CNTNAP4: variants seen among roughly 807,000 people sequenced by gnomAD.
CNTNAP4 encodes contactin associated protein family member 4.
In CNTNAP4, 98 loss-of-function variants were observed where a neutral mutation model predicts 148.4. That is an observed-to-expected ratio of 0.66 (90% CI 0.56 to 0.78). CNTNAP4 has a LOEUF of 0.78. CNTNAP4 is among the 30% of genes least tolerant of loss of function. The probability of loss-of-function intolerance (pLI) is 0.00; values close to 1 mark genes in which losing one functional copy is unlikely to be tolerated. For synonymous variants in CNTNAP4, 730 were observed against 565.1 expected (o/e 1.29, Z -4.14); for missense variants, 1,935 against 1,565.6 (o/e 1.24, Z -3.98).
At chr16:76,516,287 G>T (rs1200762594) in intron 15 of CNTNAP4, among the ~76,000 whole-genome samples, 1 of 152,148 alleles carries the variant, frequency 6.6e-6, no homozygotes, top group Non-Finnish European at 1.5e-5. Context: ...CTTTTTCAAG[G>T]CTGCATAGTA....
At chr16:76,461,896 A>G in intron 8 of CNTNAP4, 60 bp from the exon 9 acceptor site, 2 of 1,505,500 alleles carry the variant, frequency 1.3e-6, no homozygotes, top group Non-Finnish European at 1.8e-6. Context: ...TGCTGTTTCT[A>G]ACCAACTCCT....
At chr16:76,528,382 C>T (rs2083832347) in intron 17 of CNTNAP4, among the ~76,000 whole-genome samples, 1 of 152,146 alleles carries the variant, frequency 6.6e-6, no homozygotes, top group African/African-American at 2.4e-5. Context: ...CCTCCTGCCT[C>T]AGCCTCCAGA....
At chr16:76,516,461 C>A (rs568921761) in intron 15 of CNTNAP4, among the ~76,000 whole-genome samples, 2 of 152,278 alleles carry the variant, frequency 1.3e-5, no homozygotes, top group East Asian at 1.9e-4. Context: ...ATTGCTGGGT[C>A]AAATGGTATT....
At chr16:76,415,486 CAA>C (rs1882749170) in intron 3 of CNTNAP4, among the ~76,000 whole-genome samples, 1 of 150,866 alleles carries the variant, frequency 6.6e-6, no homozygotes, top group Non-Finnish European at 1.5e-5. Flanking sequence ...AATTAGAATT[CAA>C]AGTCTAATAA....
intron 15 of CNTNAP4, among the ~76,000 whole-genome samples, chr16:76,514,543 C>T (rs1304178335): frequency 6.6e-6 from 1 of 152,054 alleles, no homozygotes; most frequent in Non-Finnish European, 1.5e-5. Context: ...TTTCACTTTC[C>T]ATTTGCCACA....
intron 13 of CNTNAP4, among the ~76,000 whole-genome samples, chr16:76,494,125 C>T (rs2082321426): frequency 6.6e-6 from 1 of 151,598 alleles, no homozygotes; most frequent in Admixed American, 6.6e-5. Flanking sequence ...TGCTTCACGT[C>T]CTTCTCTGAA....
rs62049728 is a variant in CNTNAP4, at chr16:76,339,870, C to G, written c.197-15448C>G. On this transcript the variant is annotated intron_variant, in intron 2 of 23. Transcript: ENST00000611870. ...GATTCTTAGCTATTAATTTAACAAA[C>G]AAAAGCAAACTGTATTCTTTTATAT... 7.0e-3 allele frequency among the ~76,000 whole-genome samples: 1,065 copies of G among 152,270 alleles called. 9 individuals are homozygous for G. Among genetic ancestry groups the G allele is most frequent in the Non-Finnish European group, 0.011 (769 of 68,018 alleles).
At chr16:76,548,207 C>T (rs1230129654) in intron 21 of CNTNAP4, among the ~76,000 whole-genome samples, 1 of 151,666 alleles carries the variant, frequency 6.6e-6, no homozygotes, top group African/African-American at 2.4e-5. Flanking sequence ...CCCACTAACC[C>T]TTTTTGTGTT....
At chr16:76,425,352 CTTTTG>C (rs953008023) in intron 3 of CNTNAP4, among the ~76,000 whole-genome samples, 3 of 152,116 alleles carry the variant, frequency 2.0e-5, no homozygotes, top group African/African-American at 4.8e-5. Context: ...ATCCGTTGAA[CTTTTG>C]TTTTGTTTTT....
chr16:76,432,839 A>G (rs368049972), intron 4 of CNTNAP4, among the ~76,000 whole-genome samples: 1 of 152,144 alleles, frequency 6.6e-6, no homozygotes, highest in African/African-American at 2.4e-5. Context: ...GAATAAGAAC[A>G]TCCAACTGTC....
chr16:76,453,173 A>T (rs143804551), intron 8 of CNTNAP4, among the ~76,000 whole-genome samples: 32 of 152,320 alleles, frequency 2.1e-4, no homozygotes, highest in African/African-American at 7.2e-4. Flanking sequence ...TCTGTGAGAA[A>T]AAGGGAGAGG....
chr16:76,549,025 C>G (rs60619137), intron 21 of CNTNAP4, among the ~76,000 whole-genome samples: 48,052 of 151,816 alleles, frequency 0.32, 7,842 homozygotes, highest in African/African-American at 0.4. Flanking sequence ...CGAATTCTAC[C>G]CCACCGACGC....
chr16:76,502,017 C>A (rs959086903), intron 15 of CNTNAP4, among the ~76,000 whole-genome samples: 2 of 150,738 alleles, frequency 1.3e-5, no homozygotes, highest in Non-Finnish European at 3.0e-5. Flanking sequence ...TGCAGTGAGC[C>A]GAGATCCCGC....
chr16:76,534,589 C>CTTACACTTCTATCAGGGTAGTGCTT (rs2084134024), intron 17 of CNTNAP4, among the ~76,000 whole-genome samples: 2 of 152,138 alleles, frequency 1.3e-5, no homozygotes, highest in Non-Finnish European at 1.5e-5. Flanking sequence ...CTACCCAGGG[C>CTTACACTTCTATCAGGGTAGTGCTT]TTACACTTCT....
chr16:76,551,906 C>G (rs2084966579), intron 21 of CNTNAP4, among the ~76,000 whole-genome samples: 1 of 152,138 alleles, frequency 6.6e-6, no homozygotes, highest in African/African-American at 2.4e-5. Flanking sequence ...TTGTCTTTCC[C>G]TACCTATATA....
At chr16:76,440,565 T>A (rs891665467) in intron 4 of CNTNAP4, among the ~76,000 whole-genome samples, 1 of 152,156 alleles carries the variant, frequency 6.6e-6, no homozygotes, top group African/African-American at 2.4e-5. Context: ...GCAATGGGGT[T>A]ATTTATTTTC....
intron 1 of CNTNAP4, among the ~76,000 whole-genome samples, chr16:76,280,091 T>G (rs1958630000): frequency 6.6e-6 from 1 of 152,190 alleles, no homozygotes; most frequent in Admixed American, 6.5e-5. Flanking sequence ...CAGTCTTGAC[T>G]ACCAATAGTA....
intron 2 of CNTNAP4, among the ~76,000 whole-genome samples, chr16:76,348,671 G>A (rs1472664084): frequency 6.6e-6 from 1 of 152,168 alleles, no homozygotes; most frequent in Non-Finnish European, 1.5e-5. Context: ...CATGTGAACA[G>A]GAGACTGAAG....
intron 2 of CNTNAP4, among the ~76,000 whole-genome samples, chr16:76,342,171 C>G (rs1040673684): frequency 7.2e-5 from 11 of 152,056 alleles, no homozygotes; most frequent in African/African-American, 2.7e-4. Flanking sequence ...TGGGAATTCC[C>G]CTAAATATAA....
Sources: gnomAD v4.1 joint callset for allele counts (sites outside exome capture counted in the v4.1 genomes callset) on GRCh38, gnomAD v4.1.1 for gene constraint, MANE v1.5 for transcripts, NCBI Gene and HGNC (gene_info 2026-07-23, HGNC 2026-07-21) for gene names.